PTPN4: variants seen among roughly 807,000 people sequenced by gnomAD.
PTPN4 encodes the protein tyrosine-protein phosphatase non-receptor type 4.
Under a neutral mutation model 135.5 loss-of-function variants are expected in PTPN4, and 49 were observed. That is an observed-to-expected ratio of 0.36 (90% confidence interval 0.29 to 0.46). PTPN4 has a LOEUF of 0.46. PTPN4 is among the 20% of genes least tolerant of loss of function. PTPN4 has a pLI of 1.00. For missense variants in PTPN4, 860 were observed against 1,101.0 expected (o/e 0.78, Z 3.10); for synonymous variants, 333 against 369.9 (o/e 0.90, Z 1.14).
chr2:119,964,781 T>C (rs887437331), intron 24 of PTPN4, among the ~76,000 whole-genome samples: 1 of 152,224 alleles, frequency 6.6e-6, no homozygotes, highest in African/African-American at 2.4e-5. Flanking sequence ...AATGAGTTTA[T>C]ACATAACTTT....
chr2:119,961,317 A>G (rs1180234064), intron 23 of PTPN4, among the ~76,000 whole-genome samples: 1 of 152,240 alleles, frequency 6.6e-6, no homozygotes, highest in Non-Finnish European at 1.5e-5. Flanking sequence ...TAAGAAGCAC[A>G]CGAAAAGGTG....
At chr2:119,852,248 G>T (rs927493227) in intron 2 of PTPN4, among the ~76,000 whole-genome samples, 2 of 151,970 alleles carry the variant, frequency 1.3e-5, no homozygotes, top group Non-Finnish European at 2.9e-5. Context: ...TACCCTATTT[G>T]GGAAAAAAAA....
rs1368223429 is a variant in PTPN4 at position 119,855,009 on chromosome 2, T to G, written c.139-7527T>G. Among the ~76,000 whole-genome samples the G allele has an allele frequency of 2.6e-5, 4 of 152,206 alleles. No individual in the cohort carries two copies. In the East Asian group the frequency reaches 7.7e-4, roughly 29 times the overall value. On this transcript the variant is annotated intron_variant, in intron 2 of 26. Coordinates refer to ENST00000263708, the MANE Select transcript of PTPN4 (RefSeq NM_002830.4). ...AGGTTTTTAGTCTGTAGATTGCTGTTGTGCCTCTATGACACTTAGAGTTGC... is the reference window on the plus strand; with the variant it reads ...AGGTTTTTAGTCTGTAGATTGCTGTGGTGCCTCTATGACACTTAGAGTTGC...
Position 119,977,364 on chromosome 2 carries a change from G to A in PTPN4, c.*294G>A. The A allele has an allele frequency of 4.0e-6, 1 of 249,822 alleles. No homozygotes were observed. The highest frequency in any genetic ancestry group is 7.0e-6 in the Non-Finnish European group (1 of 142,792). 15.5% of individuals were successfully genotyped at this position (249,822 alleles called of 1,614,324 possible). ...TGGTGGTGCCATGCAATCCCCTTTTGGTAGAATTGCCACAAACAAGGCTCA... is the reference window on the plus strand; with the variant it reads ...TGGTGGTGCCATGCAATCCCCTTTTAGTAGAATTGCCACAAACAAGGCTCA... On this transcript the variant is annotated 3_prime_UTR_variant, in exon 27 of 27. Transcript: ENST00000263708.
chr2:119,858,277 G>A (rs1020807839), intron 2 of PTPN4, among the ~76,000 whole-genome samples: 1 of 152,168 alleles, frequency 6.6e-6, no homozygotes. Flanking sequence ...GGTTGCAGAT[G>A]AGAAATTCAT....
chr2:119,902,987 GC>G (rs1678428845), intron 10 of PTPN4, among the ~76,000 whole-genome samples: 1 of 152,148 alleles, frequency 6.6e-6, no homozygotes, highest in African/African-American at 2.4e-5. Context: ...AGGCCCAGTA[GC>G]TCCTGCATTT....
intron 14 of PTPN4, among the ~76,000 whole-genome samples, chr2:119,933,861 A>G (rs922682031): frequency 1.3e-5 from 2 of 152,148 alleles, no homozygotes; most frequent in East Asian, 1.9e-4. Flanking sequence ...TGCTTTTATC[A>G]TTTTTTCTTA....
At chr2:119,925,247 T>A (rs1460353506) in intron 12 of PTPN4, among the ~76,000 whole-genome samples, 1 of 152,150 alleles carries the variant, frequency 6.6e-6, no homozygotes, top group African/African-American at 2.4e-5. Flanking sequence ...CACTTTCTGA[T>A]CTTCCACCAG....
chr2:119,898,135 C>T lies in PTPN4; in HGVS notation c.676-2583C>T, dbSNP rs146209733. 4.6e-3 allele frequency among the ~76,000 whole-genome samples: 694 copies of T among 152,260 alleles called. 5 individuals carry two copies. Among genetic ancestry groups the T allele is most frequent in the African/African-American group, 0.016 (671 of 41,530 alleles). ...TTTTCCACATGTAGTTTGAAAGACA[C>T]GGTTACACACAATCTCAGCCCTTAT... On this transcript the variant is annotated intron_variant, in intron 9 of 26. Transcript: ENST00000263708.
intron 26 of PTPN4, among the ~76,000 whole-genome samples, chr2:119,973,655 GTTTTTTTTTTTTTTT>G (rs70949378): frequency 0.025 from 966 of 38,440 alleles, 60 homozygotes; most frequent in African/African-American, 0.11. Context: ...TTCATTTCTT[GTTTTTTTTTTTTTTT>G]TTTTTTTTTT....
At chr2:119,777,532 T>G (rs1041129928) in intron 1 of PTPN4, among the ~76,000 whole-genome samples, 2 of 152,216 alleles carry the variant, frequency 1.3e-5, no homozygotes, top group African/African-American at 4.8e-5. Context: ...TTAATAGATA[T>G]GTTGAACATG....
chr2:119,935,330 T>TA (rs1678966140), intron 15 of PTPN4, among the ~76,000 whole-genome samples: 1 of 152,228 alleles, frequency 6.6e-6, no homozygotes, highest in African/African-American at 2.4e-5. Context: ...TTAAAATACT[T>TA]ACAAGATATG....
chr2:119,937,422 G>A (rs909543455), intron 15 of PTPN4, among the ~76,000 whole-genome samples: 4 of 151,980 alleles, frequency 2.6e-5, no homozygotes, highest in African/African-American at 4.8e-5. Context: ...TGCTTATACT[G>A]TTTAGAATAA....
intron 2 of PTPN4, among the ~76,000 whole-genome samples, chr2:119,833,197 A>G (rs1677243597): frequency 6.6e-6 from 1 of 150,544 alleles, no homozygotes; most frequent in South Asian, 2.1e-4. Context: ...GGTATGGTGC[A>G]GTTTGGATTT....
intron 2 of PTPN4, among the ~76,000 whole-genome samples, chr2:119,815,990 G>A (rs998758537): frequency 2.0e-5 from 3 of 152,164 alleles, no homozygotes; most frequent in African/African-American, 7.2e-5. Context: ...ATTCCCTTGT[G>A]CTCCTCTAAG....
intron 15 of PTPN4, among the ~76,000 whole-genome samples, chr2:119,940,875 G>A (rs1375294553): frequency 2.0e-5 from 3 of 152,122 alleles, no homozygotes; most frequent in East Asian, 3.9e-4. Flanking sequence ...TTTTTTAAAA[G>A]TAATAAAATA....
chr2:119,936,163 C>T (rs1010847858), intron 15 of PTPN4, among the ~76,000 whole-genome samples: 9 of 152,208 alleles, frequency 5.9e-5, no homozygotes, highest in Non-Finnish European at 1.0e-4. Context: ...CCACCACTCC[C>T]GGCTAATTTT....
chr2:119,831,485 G>A (rs72836826), intron 2 of PTPN4, among the ~76,000 whole-genome samples: 3,168 of 152,220 alleles, frequency 0.021, 59 homozygotes, highest in Non-Finnish European at 0.033. Context: ...TTATAGGTTC[G>A]TAGAAACTTT....
At chr2:119,809,741 G>A (rs1574346120) in intron 1 of PTPN4, 96 bp from the exon 2 acceptor site, 1 of 1,100,776 alleles carries the variant, frequency 9.1e-7, no homozygotes, top group East Asian at 2.6e-5. Context: ...TTCCACCTAA[G>A]TTTTAATTGA....
Sources: gnomAD v4.1 joint callset for allele counts (sites outside exome capture counted in the v4.1 genomes callset) on GRCh38, gnomAD v4.1.1 for gene constraint, MANE v1.5 for transcripts, NCBI Gene and HGNC (gene_info 2026-07-23, HGNC 2026-07-21) for gene names.